Variants in SERGEF observed in about 807,000 individuals in gnomAD.
The protein encoded by SERGEF is secretion-regulating guanine nucleotide exchange factor.
SERGEF carries 51 observed loss-of-function variants against 50.0 expected under a neutral mutation model. The ratio of observed to expected loss-of-function variants is 1.02; its 90% CI spans 0.81 to 1.29. The LOEUF (loss-of-function observed/expected upper bound fraction) is 1.29, where lower values mean the gene tolerates loss of function less well. SERGEF is among the 50% of genes most tolerant of loss of function. The pLI, the probability that SERGEF is intolerant of heterozygous loss-of-function variation, is 0.00. For synonymous variants in SERGEF, 205 were observed against 212.4 expected (o/e 0.97, Z 0.30); for missense variants, 521 against 557.0 (o/e 0.94, Z 0.65).
chr11:17,854,434 A>G (rs1850776123), intron 10 of SERGEF, among the ~76,000 whole-genome samples: 1 of 152,186 alleles, frequency 6.6e-6, no homozygotes, highest in Non-Finnish European at 1.5e-5. Context: ...CAATGATGAC[A>G]TATCTACCCA....
At chr11:17,952,033 A>T (rs777954870) in intron 9 of SERGEF, among the ~76,000 whole-genome samples, 11 of 152,170 alleles carry the variant, frequency 7.2e-5, no homozygotes, top group Non-Finnish European at 1.5e-4. Context: ...ATTTAAGCCA[A>T]CCAACATGAG....
chr11:17,886,070 C>T (rs1180029423), intron 9 of SERGEF, among the ~76,000 whole-genome samples: 2 of 152,102 alleles, frequency 1.3e-5, no homozygotes, highest in Non-Finnish European at 2.9e-5. Context: ...TGCCCCCCGC[C>T]CCCACTTCCT....
intron 9 of SERGEF, among the ~76,000 whole-genome samples, chr11:17,932,149 C>T (rs1326888600): frequency 6.6e-6 from 1 of 152,054 alleles, no homozygotes; most frequent in African/African-American, 2.4e-5. Context: ...TGCACATGTG[C>T]CCTAAAACTT....
chr11:18,007,994 G>C lies in SERGEF; in HGVS notation c.143C>G (p.Pro48Arg). The change falls in exon 2 of 11, where the codon CCC (proline) becomes CGC (arginine). Residue 48 changes from proline to arginine, a missense_variant. Physicochemically the swap from Pro to Arg is moderately radical, Grantham distance 103 (BLOSUM62 -2). Transcript: ENST00000265965. The stretch of plus-strand genomic sequence containing the variant: ...TCCTGTGATCCTCCTGACACTCCTG[G>C]GTTTACAGAAGTCATTCAGTTGCTG... ...LPQQLNDFCK[P>R]RSVRRITGGG... The C allele has an allele frequency of 6.2e-7, 1 of 1,613,932 alleles. No individual in the cohort carries two copies. Among genetic ancestry groups the C allele is most frequent in the Non-Finnish European group, 8.5e-7 (1 of 1,179,852 alleles).
At chr11:17,968,735 C>T (rs561778843) in intron 8 of SERGEF, among the ~76,000 whole-genome samples, 1 of 151,810 alleles carries the variant, frequency 6.6e-6, no homozygotes, top group East Asian at 1.9e-4. Flanking sequence ...ACAAAACTCC[C>T]TCCCATCATG....
intron 10 of SERGEF, among the ~76,000 whole-genome samples, chr11:17,844,045 C>T (rs1850555848): frequency 2.0e-5 from 3 of 152,182 alleles, no homozygotes; most frequent in Admixed American, 2.0e-4. Flanking sequence ...ATAATTATCC[C>T]AAGTGATTTG....
At chr11:17,871,841 G>T (rs1851142178) in intron 10 of SERGEF, among the ~76,000 whole-genome samples, 2 of 152,154 alleles carry the variant, frequency 1.3e-5, no homozygotes, top group African/African-American at 2.4e-5. Context: ...GCTGGTGGGG[G>T]TGTAAATTGG....
At chr11:17,811,696 G>A (rs756134818) in intron 10 of SERGEF, among the ~76,000 whole-genome samples, 7 of 152,202 alleles carry the variant, frequency 4.6e-5, no homozygotes, top group Non-Finnish European at 8.8e-5. Flanking sequence ...CGAAGAATAC[G>A]ATCCAGGAGT....
intron 9 of SERGEF, among the ~76,000 whole-genome samples, chr11:17,915,757 G>C (rs534366292): frequency 6.6e-6 from 1 of 152,328 alleles, no homozygotes; most frequent in South Asian, 2.1e-4. Flanking sequence ...TCCTAGAGCA[G>C]GCAGGGGATT....
chr11:18,010,145 T>A, intron 1 of SERGEF: 1 of 1,197,196 alleles, frequency 8.4e-7, no homozygotes, highest in Non-Finnish European at 1.1e-6. Context: ...GACACCTGAA[T>A]GAGGAAAGGT....
chr11:17,893,168 C>T (rs1473375240), intron 9 of SERGEF, among the ~76,000 whole-genome samples: 1 of 152,150 alleles, frequency 6.6e-6, no homozygotes, highest in Admixed American at 6.5e-5. Context: ...TTTATCTGTA[C>T]AGAACCTTAT....
intron 10 of SERGEF, among the ~76,000 whole-genome samples, chr11:17,792,233 G>A (rs545912790): frequency 1.2e-4 from 18 of 152,344 alleles, no homozygotes; most frequent in African/African-American, 3.1e-4. Flanking sequence ...CCACAAATGC[G>A]GAAGCGCATA....
intron 10 of SERGEF, among the ~76,000 whole-genome samples, chr11:17,795,070 G>A (rs142330128): frequency 2.8e-4 from 43 of 152,302 alleles, no homozygotes; most frequent in Non-Finnish European, 4.7e-4. Flanking sequence ...CTAAGAGCAC[G>A]CATAGGCCTA....
intron 8 of SERGEF, among the ~76,000 whole-genome samples, chr11:17,968,230 T>C (rs777469608): frequency 6.6e-6 from 1 of 152,214 alleles, no homozygotes; most frequent in Non-Finnish European, 1.5e-5. Flanking sequence ...CCACCAAGGA[T>C]ATCAGAGACC....
intron 9 of SERGEF, among the ~76,000 whole-genome samples, chr11:17,941,825 T>G (rs1362919972): frequency 2.0e-5 from 3 of 152,240 alleles, no homozygotes; most frequent in Non-Finnish European, 4.4e-5. Flanking sequence ...GTAGCCCTTC[T>G]AATAGGTGTT....
chr11:17,805,067 T>C (rs1174727813), intron 10 of SERGEF, among the ~76,000 whole-genome samples: 2 of 152,266 alleles, frequency 1.3e-5, no homozygotes, highest in Non-Finnish European at 2.9e-5. Context: ...CACAGTTCTC[T>C]GAGAAACTCT....
intron 9 of SERGEF, among the ~76,000 whole-genome samples, chr11:17,926,405 G>A (rs1000389971): frequency 2.0e-5 from 3 of 152,170 alleles, no homozygotes; most frequent in African/African-American, 7.2e-5. Context: ...GGGAGAGACA[G>A]GTAAACAGAT....
intron 10 of SERGEF, among the ~76,000 whole-genome samples, chr11:17,844,154 A>G (rs1056363932): frequency 1.3e-5 from 2 of 152,218 alleles, no homozygotes; most frequent in Non-Finnish European, 2.9e-5. Flanking sequence ...GCTCAAGGAC[A>G]CACAGGAATC....
chr11:17,981,523 G>A lies in SERGEF; in HGVS notation c.844+7074C>T, dbSNP rs146709217. Among the ~76,000 whole-genome samples the A allele has an allele frequency of 5.8e-3, 887 of 152,138 alleles. 9 individuals carry two copies. Among genetic ancestry groups the A allele is most frequent in the African/African-American group, 0.02 (835 of 41,432 alleles). On this transcript the variant is annotated intron_variant, in intron 8 of 10. Transcript: ENST00000265965. ...TGTGAAACAGGGCAATGCCATTAACGAATTAGGGACTCTTGTGTGAAGTAA... is the reference window on the plus strand; with the variant it reads ...TGTGAAACAGGGCAATGCCATTAACAAATTAGGGACTCTTGTGTGAAGTAA...
Sources: gnomAD v4.1 joint callset for allele counts (sites outside exome capture counted in the v4.1 genomes callset) on GRCh38, gnomAD v4.1.1 for gene constraint, MANE v1.5 for transcripts, NCBI Gene and HGNC (gene_info 2026-07-23, HGNC 2026-07-21) for gene names.